Variants in TDRD7 observed in about 807,000 individuals in gnomAD.
TDRD7 encodes tudor domain-containing protein 7.
A neutral mutation model predicts 109.8 loss-of-function variants in TDRD7; 47 were observed. The observed-to-expected ratio is 0.43, with a 90% confidence interval of 0.34 to 0.55. The LOEUF (loss-of-function observed/expected upper bound fraction) is 0.55, where lower values mean the gene tolerates loss of function less well. Among genes scored for constraint, TDRD7 ranks in the 20% least tolerant of loss-of-function variants. TDRD7 has a pLI of 0.03. For missense variants in TDRD7, 1,164 were observed against 1,319.2 expected, an observed-to-expected ratio of 0.88 and a Z score of 1.82; for synonymous variants, 424 against 457.3, an observed-to-expected ratio of 0.93 and a Z score of 0.93.
Position 97,412,719 on chromosome 9 carries a change from A to G in TDRD7, c.-7+481A>G, listed in dbSNP as rs1231333215. 1.3e-5 allele frequency among the ~76,000 whole-genome samples: 2 copies of G among 152,212 alleles called. No individual in the cohort carries two copies. The highest frequency in any genetic ancestry group is 2.1e-4 in the South Asian group (1 of 4,832). ...CCACGAACTTCTCTTGAAGGTCTCTATAATCTGGAGACGAGCCCCAGGCAG... is the reference window on the plus strand; with the variant it reads ...CCACGAACTTCTCTTGAAGGTCTCTGTAATCTGGAGACGAGCCCCAGGCAG... On this transcript the variant is annotated intron_variant, in intron 1 of 16. Coordinates refer to ENST00000355295, the MANE Select transcript of TDRD7 (RefSeq NM_014290.3). This position sits in a 1 kb window ranked among gnomAD's most constrained non-coding sequence, Gnocchi z 4.3.
At chr9:97,484,213 C>T (rs969938434) in intron 15 of TDRD7, among the ~76,000 whole-genome samples, 1 of 152,132 alleles carries the variant, frequency 6.6e-6, no homozygotes, top group East Asian at 1.9e-4. Flanking sequence ...AACATACTTT[C>T]TCTTACATTT....
chr9:97,478,569 C>T lies in TDRD7; in HGVS notation c.2297C>T (p.Pro766Leu). 1 of 1,613,834 alleles carries T rather than the reference C, an allele frequency of 6.2e-7. No individual in the cohort carries two copies. Among genetic ancestry groups the T allele is most frequent in the Non-Finnish European group, 8.5e-7 (1 of 1,179,868 alleles). The change falls in exon 13 of 17, where the codon CCT (proline) becomes CTT (leucine). Residue 766 changes from proline (P) to leucine (L), a missense_variant. Around this residue, in one of 5 missense-constraint regions of TDRD7, gnomAD observed 233 missense variants for 218.0 expected, o/e 1.07. Transcript: ENST00000355295. ...CTACAAGAAATGATTGCAATACCACCTCAGGTACTATGTTACCAGCCTGGG... is the reference window on the plus strand; with the variant it reads ...CTACAAGAAATGATTGCAATACCACTTCAGGTACTATGTTACCAGCCTGGG... ...RFLQEMIAIPPQAIKCCLADL... is the reference protein window; with the variant it reads ...RFLQEMIAIPLQAIKCCLADL...
intron 6 of TDRD7, among the ~76,000 whole-genome samples, chr9:97,449,731 ATGG>A (rs1185473526): frequency 1.3e-5 from 2 of 152,170 alleles, no homozygotes; most frequent in Middle Eastern, 3.2e-3. Flanking sequence ...CGGCATTTGA[ATGG>A]TGGGGCCAAA....
At chr9:97,480,223 G>A (rs1027608583) in intron 13 of TDRD7, 2 of 155,780 alleles carry the variant, frequency 1.3e-5, no homozygotes, top group Non-Finnish European at 2.9e-5. Context: ...CCATTCTACA[G>A]ATGCTTGTAT....
intron 3 of TDRD7, among the ~76,000 whole-genome samples, chr9:97,431,810 A>C (rs1828108672): frequency 6.6e-6 from 1 of 152,172 alleles, no homozygotes; most frequent in South Asian, 2.1e-4. Flanking sequence ...AGCAGGAGTT[A>C]CTGGCCAGTC....
At chr9:97,474,579 C>G (rs1200764684) in intron 11 of TDRD7, among the ~76,000 whole-genome samples, 1 of 152,180 alleles carries the variant, frequency 6.6e-6, no homozygotes, top group Non-Finnish European at 1.5e-5. Flanking sequence ...ATTCAAAGTA[C>G]AGTCTGGAAT....
Position 97,430,937 on chromosome 9 carries a change from C to A in TDRD7, c.212C>A (p.Thr71Asn), listed in dbSNP as rs1450972587. Reference sequence around the variant, plus strand: ...TACCCTGCCTCTAATGAATAGATTACCTGCTATGCCATGGCCTGCACAGAA... The same window carrying A: ...TACCCTGCCTCTAATGAATAGATTAACTGCTATGCCATGGCCTGCACAGAA... The part of the protein sequence containing the change: ...RIETSRSGEI[T>N]CYAMACTETA... Residue 71 changes from threonine to asparagine, a missense_variant, in exon 3 of 17, where the codon ACC becomes AAC. This residue lies in a region of TDRD7 where 101 missense variants were observed against 148.5 expected (regional missense o/e 0.68). Coordinates refer to ENST00000355295, the MANE Select transcript of TDRD7 (RefSeq NM_014290.3). 6.2e-7 allele frequency: 1 copy of A among 1,613,636 alleles called. No individual in the cohort carries two copies. The highest frequency in any genetic ancestry group is 1.3e-5 in the African/African-American group (1 of 74,874).
rs150957252 is a variant in TDRD7 at position 97,440,557 on chromosome 9, G to T, written c.638-1101G>T. On this transcript the variant is annotated intron_variant, in intron 5 of 16. Transcript: ENST00000355295. ...AGGAAATATATGTGGATATCCTGGA[G>T]CCTTCTCTTCTCTGTGCCAATCTAA... Among the ~76,000 whole-genome samples the T allele has an allele frequency of 1.4e-4, 21 of 152,214 alleles. No individual in the cohort carries two copies. The East Asian group carries it at 3.5e-3, about 25-fold the overall frequency.
At chr9:97,476,384 T>C (rs1172926640) in intron 12 of TDRD7, among the ~76,000 whole-genome samples, 1 of 152,090 alleles carries the variant, frequency 6.6e-6, no homozygotes, top group Non-Finnish European at 1.5e-5. Context: ...TATATGTTTT[T>C]AAAAAGGCAA....
intron 16 of TDRD7, among the ~76,000 whole-genome samples, chr9:97,495,311 GAAAT>G (rs1429614364): frequency 1.3e-5 from 2 of 151,884 alleles, no homozygotes; most frequent in African/African-American, 4.8e-5. Flanking sequence ...TTTAATGAAA[GAAAT>G]GTCATTTAAT....
intron 8 of TDRD7, among the ~76,000 whole-genome samples, chr9:97,467,591 A>C (rs1173652416): frequency 6.6e-6 from 1 of 152,262 alleles, no homozygotes; most frequent in Non-Finnish European, 1.5e-5. Context: ...GTGAGAAGAG[A>C]GAGATGACAA....
In TDRD7 at chr9:97,495,948, T is replaced by TA. The variant is rs941417244; in HGVS notation, c.*73dup. 60 of 1,365,396 alleles carry TA rather than the reference T, an allele frequency of 4.4e-5. No individual in the cohort carries two copies. The highest frequency in any genetic ancestry group is 8.2e-5 in the South Asian group (7 of 85,398). The allele number at this position is 1,365,396 out of a possible 1,614,324, so 84.6% of individuals were successfully genotyped here. ...TAGCAATAACAAAATGTAGTAGGCT[T>TA]AAAAAAAATCTTAACTCTGCTACAT... On this transcript the variant is annotated 3_prime_UTR_variant, in exon 17 of 17. Transcript: ENST00000355295.
chr9:97,459,329 A>G (rs757109811), intron 6 of TDRD7, among the ~76,000 whole-genome samples: 3 of 152,238 alleles, frequency 2.0e-5, no homozygotes, highest in Non-Finnish European at 4.4e-5. Flanking sequence ...TTTGCAAGTT[A>G]TGAAATAATT....
chr9:97,461,156 G>A (rs1056704348), intron 7 of TDRD7, among the ~76,000 whole-genome samples: 6 of 151,348 alleles, frequency 4.0e-5, no homozygotes, highest in African/African-American at 1.5e-4. Flanking sequence ...AAAAAAAAAG[G>A]ATAACATATT....
chr9:97,434,666 C>T (rs1184660285), intron 4 of TDRD7, among the ~76,000 whole-genome samples: 3 of 152,094 alleles, frequency 2.0e-5, no homozygotes, highest in Non-Finnish European at 4.4e-5. Flanking sequence ...CAGTTGCGCT[C>T]CTGGACATTT....
Position 97,460,757 on chromosome 9 carries a change from G to C in TDRD7, c.1435G>C (p.Val479Leu). 6.2e-7 allele frequency: 1 copy of C among 1,613,788 alleles called. No homozygotes were observed. Among genetic ancestry groups the C allele is most frequent in the Non-Finnish European group, 8.5e-7 (1 of 1,179,726 alleles). The stretch of plus-strand genomic sequence containing the variant: ...TGAACTGAGCAACACAAATGAAGTG[G>C]TTATCAGGCAAGTTTCATTTTCTAA... ...VVELSNTNEV[V>L]IRYVGKDYSA... is the part of the protein sequence containing the mutation. The change falls in exon 7 of 17, where the codon GTT becomes CTT. Residue 479 changes from valine (V) to leucine (L), a missense_variant. Transcript: ENST00000355295.
At chr9:97,421,134 CA>C (rs556240135) in intron 1 of TDRD7, among the ~76,000 whole-genome samples, 10,250 of 75,098 alleles carry the variant, frequency 0.14, 464 homozygotes, top group African/African-American at 0.26. Flanking sequence ...GACTCTGTCT[CA>C]AAAAAAAAAA....
intron 6 of TDRD7, among the ~76,000 whole-genome samples, chr9:97,452,325 T>G (rs756415633): frequency 2.6e-5 from 4 of 152,236 alleles, no homozygotes; most frequent in Non-Finnish European, 4.4e-5. Flanking sequence ...CCTAAAGTGT[T>G]GAAGGATATC....
At chr9:97,423,095 G>A (rs1434868403) in intron 1 of TDRD7, among the ~76,000 whole-genome samples, 1 of 152,230 alleles carries the variant, frequency 6.6e-6, no homozygotes, top group African/African-American at 2.4e-5. Context: ...ATCTGTAAGA[G>A]TAGTATTGAT....
Sources: gnomAD v4.1 joint callset for allele counts (sites outside exome capture counted in the v4.1 genomes callset) on GRCh38, gnomAD v4.1.1 for gene constraint, gnomAD v4.1.1 regional missense constraint, Gnocchi (gnomAD v3.1) non-coding constraint, MANE v1.5 for transcripts, NCBI Gene and HGNC (gene_info 2026-07-23, HGNC 2026-07-21) for gene names.